SH3D19: variants seen among roughly 807,000 people sequenced by gnomAD.
SH3D19 encodes the protein SH3 domain-containing protein 19.
SH3D19 carries 58 observed loss-of-function variants against 112.1 expected under a neutral mutation model. The ratio of observed to expected loss-of-function variants is 0.52; its 90% CI spans 0.42 to 0.64. The LOEUF is 0.64. Among genes scored for constraint, SH3D19 ranks in the 30% least tolerant of loss-of-function variants. The pLI, the probability that SH3D19 is intolerant of heterozygous loss-of-function variation, is 0.00. For missense variants in SH3D19, 1,090 were observed against 1,263.4 expected (o/e 0.86, Z 2.08); for synonymous variants, 391 against 448.5 (o/e 0.87, Z 1.62).
chr4:151,285,187 C>T (rs564599216), intron 1 of SH3D19, among the ~76,000 whole-genome samples: 1 of 152,284 alleles, frequency 6.6e-6, no homozygotes, highest in South Asian at 2.1e-4. Flanking sequence ...CAGAGAGTAG[C>T]CTTTTATATG....
At chr4:151,292,447 G>C (rs1308942692) in intron 1 of SH3D19, among the ~76,000 whole-genome samples, 1 of 152,180 alleles carries the variant, frequency 6.6e-6, no homozygotes, top group Non-Finnish European at 1.5e-5. Context: ...CTGAGGTCTT[G>C]GGTTTCAACA....
At chr4:151,141,909 C>T (rs1254054757) in intron 12 of SH3D19, among the ~76,000 whole-genome samples, 1 of 152,190 alleles carries the variant, frequency 6.6e-6, no homozygotes, top group African/African-American at 2.4e-5. Flanking sequence ...CCCAGTCACA[C>T]ATTTTCCCTT....
chr4:151,321,969 ACT>A (rs1160565480), intron 1 of SH3D19, among the ~76,000 whole-genome samples: 15 of 151,970 alleles, frequency 9.9e-5, no homozygotes, highest in South Asian at 8.3e-4. Context: ...TCATATTACC[ACT>A]CTCTGTCAGG....
In SH3D19 at chr4:151,147,981, G is replaced by A; in HGVS notation, c.2023C>T (p.Gln675Ter). The A allele has an allele frequency of 6.2e-7, 1 of 1,614,104 alleles. No individual in the cohort carries two copies. Among genetic ancestry groups the A allele is most frequent in the Non-Finnish European group, 8.5e-7 (1 of 1,180,002 alleles). ...GGACGAGGGGGTAGCACCGGATCTT[G>A]ATTTTTAAAAACTTGACTCTTGGCT... Reference protein sequence around the residue: ...SKAKSQVFKNQDPVLPPRPKP... With the variant: ...SKAKSQVFKN Residue 675 changes from glutamine (Q) to a stop codon, truncating the protein, a stop_gained, in exon 11 of 20, where the codon CAA becomes TAA. Coordinates refer to ENST00000604030, the MANE Select transcript of SH3D19 (RefSeq NM_001378122.1). LOFTEE classifies it high-confidence loss of function.
rs1752647709 is a variant in SH3D19 at position 151,139,758 on chromosome 4, A to G, written c.2296+17T>C. 11 of 1,612,256 alleles carry G rather than the reference A, an allele frequency of 6.8e-6. No homozygotes were observed. The highest frequency in any genetic ancestry group is 4.5e-5 in the East Asian group (2 of 44,862). On this transcript the variant is annotated intron_variant, in intron 13 of 19. Coordinates refer to ENST00000604030, the MANE Select transcript of SH3D19 (RefSeq NM_001378122.1). ...CTGGATCCTGTGGTTCTCCCACTGC[A>G]TTATTTACATCCTTACCTGCTGGGA...
chr4:151,170,652 G>C (rs1292089593), intron 7 of SH3D19: 1 of 151,994 alleles, frequency 6.6e-6, no homozygotes, highest in Non-Finnish European at 1.5e-5. Context: ...AGGGTCATTG[G>C]GGGAAGCAGT....
At position 151,282,550 on chromosome 4, in the gene SH3D19, T is replaced by C. The variant is rs1253446511; in HGVS notation, c.112+42691A>G. On this transcript the variant is annotated intron_variant, in intron 1 of 19. Transcript: ENST00000604030. ...TCAATCTAATGATATTATCTATAAGTTTTTAAATAAAATATCTTTTTTGAC... is the reference window on the plus strand; with the variant it reads ...TCAATCTAATGATATTATCTATAAGCTTTTAAATAAAATATCTTTTTTGAC... 6 of 853,280 alleles carry C rather than the reference T, an allele frequency of 7.0e-6. No individual in the cohort carries two copies. The African/African-American group carries it at 1.0e-4, about 15-fold the overall frequency. 52.9% of individuals were successfully genotyped at this position (853,280 alleles called of 1,614,324 possible).
rs183808788 is a variant in SH3D19 at position 151,144,295 on chromosome 4, C to T, written c.2083-245G>A. 3.6e-4 allele frequency: 586 copies of T among 1,613,150 alleles called. No homozygotes were observed. The highest frequency in any genetic ancestry group is 1.2e-3 in the African/African-American group (88 of 74,992). ...TTCCATGAGGCACAGACAGCTTAAA[C>T]GTAAACCAATAAAAGGCTTATTCAC... On this transcript the variant is annotated intron_variant, in intron 11 of 19. Transcript: ENST00000604030.
At chr4:151,279,198 G>T in intron 1 of SH3D19, 1 of 263,754 alleles carries the variant, frequency 3.8e-6, no homozygotes, top group Non-Finnish European at 7.3e-6. Context: ...GCACACTAGA[G>T]AAAGAAGAGA....
chr4:151,133,109 C>T lies in SH3D19; in HGVS notation c.2614G>A (p.Gly872Ser), dbSNP rs1486907019. The change falls in exon 16 of 20, where the codon GGC (glycine) becomes AGC (serine). Residue 872 changes from glycine to serine, a missense_variant. Physicochemically the swap from Gly to Ser is moderately conservative, Grantham distance 56. Transcript: ENST00000604030. Reference sequence around the variant, plus strand: ...TTCAGGGGGAAAATCCCAGTTCTGCCTCGAACTTCTCCTCTGGCCCATTCC... The same window carrying T: ...TTCAGGGGGAAAATCCCAGTTCTGCTTCGAACTTCTCCTCTGGCCCATTCC... ...NEEWARGEVR[G>S]RTGIFPLNFV... The T allele has an allele frequency of 6.2e-7, 1 of 1,614,120 alleles. No individual in the cohort carries two copies. The highest frequency in any genetic ancestry group is 2.2e-5 in the East Asian group (1 of 44,878).
At chr4:151,144,160 G>C in intron 11 of SH3D19, 110 bp from the exon 12 acceptor site, 1 of 1,594,222 alleles carries the variant, frequency 6.3e-7, no homozygotes, top group Non-Finnish European at 8.6e-7. Context: ...TGTAATGGTA[G>C]TAACAGAGGC....
intron 9 of SH3D19, among the ~76,000 whole-genome samples, chr4:151,158,116 T>C (rs994957958): frequency 2.6e-5 from 4 of 152,044 alleles, no homozygotes; most frequent in African/African-American, 4.8e-5. Context: ...TGGTGAAAAA[T>C]GTTTGAGATG....
chr4:151,276,725 T>C (rs1414723960), intron 1 of SH3D19, among the ~76,000 whole-genome samples: 1 of 152,198 alleles, frequency 6.6e-6, no homozygotes. Flanking sequence ...TGACTTGCAG[T>C]GCAGCTAACA....
chr4:151,141,964 A>G (rs561647533), intron 12 of SH3D19, among the ~76,000 whole-genome samples: 1 of 152,318 alleles, frequency 6.6e-6, no homozygotes, highest in African/African-American at 2.4e-5. Flanking sequence ...CTGCTCATCA[A>G]CCCAGCCTAG....
At position 151,179,360 on chromosome 4, in the gene SH3D19, A is replaced by G; in HGVS notation, c.231T>C (p.Asp77=). ...CATTATAAATATAACCATACCTTCT[A>G]TCTCGATGAAGTTCACTCTGAATAG... is the stretch of plus-strand genomic sequence containing the variant. ...RTSIQSELHR[D]RRRPEITIVA... The change falls in exon 4 of 20, where the codon GAT becomes GAC. Residue 77 remains aspartate (D), a synonymous_variant. Coordinates refer to ENST00000604030, the MANE Select transcript of SH3D19 (RefSeq NM_001378122.1). The G allele has an allele frequency of 1.6e-6, 2 of 1,228,658 alleles. No individual in the cohort carries two copies. Among genetic ancestry groups the G allele is most frequent in the Non-Finnish European group, 2.0e-6 (2 of 985,028 alleles). The allele number at this position is 1,228,658 out of a possible 1,614,324, so 76.1% of individuals were successfully genotyped here. A position where few individuals can be genotyped will look rare whatever the true frequency, so the allele number is the denominator to read the frequency against.
intron 1 of SH3D19, among the ~76,000 whole-genome samples, chr4:151,263,533 T>C (rs1045653563): frequency 7.9e-5 from 12 of 152,244 alleles, no homozygotes; most frequent in Non-Finnish European, 1.3e-4. Context: ...TATTATCTCA[T>C]AGTTTCTGCA....
At chr4:151,311,823 G>A (rs138459688) in intron 1 of SH3D19, among the ~76,000 whole-genome samples, 1 of 152,190 alleles carries the variant, frequency 6.6e-6, no homozygotes, top group African/African-American at 2.4e-5. Context: ...CTGGGCAACA[G>A]AGTGAGACCC....
intron 12 of SH3D19, among the ~76,000 whole-genome samples, chr4:151,141,448 T>A (rs1752967211): frequency 5.3e-5 from 8 of 152,004 alleles, no homozygotes; most frequent in Admixed American, 3.3e-4. Flanking sequence ...TCATAATTAT[T>A]CAGCATGGAC....
chr4:151,201,781 C>T (rs933648382), intron 2 of SH3D19, among the ~76,000 whole-genome samples: 3 of 151,992 alleles, frequency 2.0e-5, no homozygotes, highest in East Asian at 3.9e-4. Flanking sequence ...GAGGCCGAGG[C>T]GGGTGGATCA....
Sources: gnomAD v4.1 joint callset for allele counts (sites outside exome capture counted in the v4.1 genomes callset) on GRCh38, gnomAD v4.1.1 for gene constraint, MANE v1.5 for transcripts, NCBI Gene and HGNC (gene_info 2026-07-23, HGNC 2026-07-21) for gene names.